TIGD5: variants seen among roughly 807,000 people sequenced by gnomAD.
TIGD5 encodes the protein tigger transposable element-derived protein 5.
Under a neutral mutation model 28.8 loss-of-function variants are expected in TIGD5, and 24 were observed. That is an observed-to-expected ratio of 0.83 (90% CI 0.60 to 1.17). The LOEUF is 1.17. Ranked by LOEUF, TIGD5 falls within the 50% of genes most tolerant of loss-of-function variation. The pLI is 0.00. For synonymous variants in TIGD5, 538 were observed against 430.5 expected, an observed-to-expected ratio of 1.25 and a Z score of -3.09; for missense variants, 922 against 911.4, an observed-to-expected ratio of 1.01 and a Z score of -0.15.
rs1053485494 is a variant in TIGD5 at position 143,601,265 on chromosome 8, G to A, written c.*1433G>A. The A allele has an allele frequency of 6.6e-6, 1 of 152,176 alleles. No homozygotes were observed. Among genetic ancestry groups the A allele is most frequent in the African/African-American group, 2.4e-5 (1 of 41,436 alleles). 9.4% of individuals were successfully genotyped at this position (152,176 alleles called of 1,614,324 possible). On this transcript the variant is annotated 3_prime_UTR_variant, in exon 1 of 1. Coordinates refer to ENST00000504548, the MANE Select transcript of TIGD5 (RefSeq NM_032862.5). ...TATATCTCAAAATCTGAGAGCTCAG[G>A]GAGGCCGTGGAAATTTGGGGAAGAA... is the stretch of plus-strand genomic sequence containing the variant.
In TIGD5 at chr8:143,597,934, G is replaced by A; in HGVS notation, c.31G>A (p.Val11Ile). ...CCCCGCGGGCCCCCCGGCCGGCCCG[G>A]TACCGCGCCGCGGCCGCCGTCCCCT... MYPAGPPAGP[V>I]PRRGRRPLPG... The change falls in exon 1 of 1, where the codon GTA (valine) becomes ATA (isoleucine). Residue 11 changes from valine to isoleucine, a missense_variant. Coordinates refer to ENST00000504548, the MANE Select transcript of TIGD5 (RefSeq NM_032862.5). The A allele has an allele frequency of 1.1e-6, 1 of 871,502 alleles. No individual in the cohort carries two copies. Among genetic ancestry groups the A allele is most frequent in the Non-Finnish European group, 1.4e-6 (1 of 728,748 alleles). 54.0% of individuals were successfully genotyped at this position (871,502 alleles called of 1,614,324 possible).
In TIGD5 at chr8:143,598,550, T is replaced by C. The variant is rs980069557; in HGVS notation, c.647T>C (p.Leu216Pro). 1.8e-5 allele frequency: 24 copies of C among 1,310,742 alleles called. No individual in the cohort carries two copies. In the African/African-American group the frequency reaches 3.3e-4, roughly 18 times the overall value. The allele number at this position is 1,310,742 out of a possible 1,614,324, so 81.2% of individuals were successfully genotyped here. ...GCGCTGCCCTCCGGCGCCGGCCCCC[T>C]GCCCGACCGCGCCCCGGCCCCGCCG... ...EPALPSGAGP[L>P]PDRAPAPPPP... The change falls in exon 1 of 1, where the codon CTG (leucine) becomes CCG (proline). Residue 216 changes from leucine to proline, a missense_variant. Physicochemically the swap from Leu to Pro is moderately conservative, Grantham distance 98 (BLOSUM62 -3). Coordinates refer to ENST00000504548, the MANE Select transcript of TIGD5 (RefSeq NM_032862.5). This position sits in a 1 kb window ranked among gnomAD's most constrained non-coding sequence, Gnocchi z 6.6.
Position 143,598,336 on chromosome 8 carries a change from C to G in TIGD5, c.433C>G (p.Pro145Ala). Reference sequence around the variant, plus strand: ...CCAGCACGGGGTGCCGCTGTCTGGCCCGCTCATCCAGGCGCAGGCCGAGGC... The same window carrying G: ...CCAGCACGGGGTGCCGCTGTCTGGCGCGCTCATCCAGGCGCAGGCCGAGGC... ...LRQHGVPLSG[P>A]LIQAQAEAFA... is the part of the protein sequence containing the mutation. Residue 145 changes from proline (P) to alanine (A), a missense_variant, in exon 1 of 1, where the codon CCG (proline) becomes GCG (alanine). Pro to Ala is a conservative substitution (Grantham distance 27). Coordinates refer to ENST00000504548, the MANE Select transcript of TIGD5 (RefSeq NM_032862.5). This position sits in a 1 kb window ranked among gnomAD's most constrained non-coding sequence, Gnocchi z 6.6. 6.2e-7 allele frequency: 1 copy of G among 1,605,336 alleles called. No homozygotes were observed.
chr8:143,602,516 G>T lies in TIGD5; in HGVS notation c.*2684G>T, dbSNP rs1829283227. Reference sequence around the variant, plus strand: ...GGGAGGCCAAGTGTTCTTTCCCAAAGCTGCGCGGGTGCCATCGCCTGCCAG... The same window carrying T: ...GGGAGGCCAAGTGTTCTTTCCCAAATCTGCGCGGGTGCCATCGCCTGCCAG... On this transcript the variant is annotated 3_prime_UTR_variant, in exon 1 of 1. Transcript: ENST00000504548. 1 of 152,294 alleles carries T rather than the reference G, an allele frequency of 6.6e-6. No homozygotes were observed. The highest frequency in any genetic ancestry group is 2.4e-5 in the African/African-American group (1 of 41,464). The allele number at this position is 152,294 out of a possible 1,614,324, so 9.4% of individuals were successfully genotyped here. A position where few individuals can be genotyped will look rare whatever the true frequency, so the allele number is the denominator to read the frequency against.
In TIGD5 at chr8:143,599,557, G is replaced by A; in HGVS notation, c.1654G>A (p.Ala552Thr). Residue 552 changes from alanine to threonine, a missense_variant, in exon 1 of 1, where the codon GCC (alanine) becomes ACC (threonine). Transcript: ENST00000504548. ...PEGCREEVGP[A>T]LPPAAPPAPA... Reference sequence around the variant, plus strand: ...GGGCTGCAGGGAGGAGGTGGGCCCAGCCCTGCCCCCTGCAGCGCCTCCGGC... The same window carrying A: ...GGGCTGCAGGGAGGAGGTGGGCCCAACCCTGCCCCCTGCAGCGCCTCCGGC... 6.4e-7 allele frequency: 1 copy of A among 1,562,762 alleles called. No individual in the cohort carries two copies. The highest frequency in any genetic ancestry group is 1.2e-5 in the South Asian group (1 of 84,896).
In TIGD5 at chr8:143,602,880, G is replaced by A. The variant is rs1488855867; in HGVS notation, c.*3048G>A. The A allele has an allele frequency of 2.6e-5, 4 of 152,322 alleles. No homozygotes were observed. Among genetic ancestry groups the A allele is most frequent in the African/African-American group, 7.2e-5 (3 of 41,460 alleles). 9.4% of individuals were successfully genotyped at this position (152,322 alleles called of 1,614,324 possible). On this transcript the variant is annotated 3_prime_UTR_variant, in exon 1 of 1. Transcript: ENST00000504548. ...GTTTTGTTGAAACCACCCGACCCGCGTTTTCAGGGGGACGAGGCCACTGCC... is the reference window on the plus strand; with the variant it reads ...GTTTTGTTGAAACCACCCGACCCGCATTTTCAGGGGGACGAGGCCACTGCC...
At position 143,599,308 on chromosome 8, in the gene TIGD5, C is replaced by G; in HGVS notation, c.1405C>G (p.Gln469Glu). 6.2e-7 allele frequency: 1 copy of G among 1,606,120 alleles called. No individual in the cohort carries two copies. The highest frequency in any genetic ancestry group is 1.7e-4 in the Middle Eastern group (1 of 6,052). Residue 469 changes from glutamine to glutamate, a missense_variant, in exon 1 of 1, where the codon CAG becomes GAG. Around this residue, in one of 3 missense-constraint regions of TIGD5, gnomAD observed 821 missense variants for 815.2 expected, o/e 1.01. Coordinates refer to ENST00000504548, the MANE Select transcript of TIGD5 (RefSeq NM_032862.5). ...YLAGLSWDLV[Q>E]AGSIERCWLL... ...GGCTGGCCTCTCCTGGGACCTGGTGCAGGCGGGCAGCATTGAGCGCTGCTG... is the reference window on the plus strand; with the variant it reads ...GGCTGGCCTCTCCTGGGACCTGGTGGAGGCGGGCAGCATTGAGCGCTGCTG...
At position 143,599,680 on chromosome 8, in the gene TIGD5, CG is replaced by C; in HGVS notation, c.1782del (p.Leu595Ter). 6.6e-7 allele frequency: 1 copy of C among 1,517,912 alleles called. No homozygotes were observed. Among genetic ancestry groups the C allele is most frequent in the Non-Finnish European group, 8.8e-7 (1 of 1,137,788 alleles). The allele number at this position is 1,517,912 out of a possible 1,614,324, so 94.0% of individuals were successfully genotyped here. A position where few individuals can be genotyped will look rare whatever the true frequency, so the allele number is the denominator to read the frequency against. ...AGTGCCGACTGCCGGGGAGGCCGTGCGGGGGCTAGAAACAGCTCTGCGGTGG... is the reference window on the plus strand; with the variant it reads ...AGTGCCGACTGCCGGGGAGGCCGTGCGGGGCTAGAAACAGCTCTGCGGTGG... ...TSVPTAGEAV[R>X]GLETALRWLE... On this transcript the variant is annotated frameshift_variant, in exon 1 of 1. Coordinates refer to ENST00000504548, the MANE Select transcript of TIGD5 (RefSeq NM_032862.5). LOFTEE classifies it high-confidence loss of function.
In TIGD5 at chr8:143,599,375, A is replaced by G; in HGVS notation, c.1472A>G (p.Glu491Gly). The G allele has an allele frequency of 6.4e-7, 1 of 1,572,666 alleles. No homozygotes were observed. Among genetic ancestry groups the G allele is most frequent in the Non-Finnish European group, 8.6e-7 (1 of 1,160,304 alleles). The change falls in exon 1 of 1, where the codon GAG becomes GGG. Residue 491 changes from glutamate to glycine, a missense_variant. Physicochemically the swap from Glu to Gly is moderately conservative, Grantham distance 98. Transcript: ENST00000504548. ...LRAAFEPRPG[E>G]DSAGQPAQAE... ...GCTGCCTTCGAGCCCCGGCCCGGCG[A>G]GGACAGTGCTGGGCAGCCGGCCCAG...
chr8:143,601,094 C>CA lies in TIGD5; in HGVS notation c.*1262_*1263insA, dbSNP rs1564009029. The CA allele has an allele frequency of 4.6e-5, 7 of 152,188 alleles. No individual in the cohort carries two copies. Among genetic ancestry groups the CA allele is most frequent in the Non-Finnish European group, 7.3e-5 (5 of 68,106 alleles). 9.4% of individuals were successfully genotyped at this position (152,188 alleles called of 1,614,324 possible). On this transcript the variant is annotated 3_prime_UTR_variant, in exon 1 of 1. Transcript: ENST00000504548. ...TGCAGGGGTAGGCTGGAGGCCTGCA[C>CA]GGGGAAGGGAAGGGCTGTGCACCAG...
In TIGD5 at chr8:143,599,547, G is replaced by T. The variant is rs767569057; in HGVS notation, c.1644G>T (p.Glu548Asp). Reference protein sequence around the residue: ...DGGPPEGCREEVGPALPPAAP... With the variant: ...DGGPPEGCREDVGPALPPAAP... ...GTCCGCCCGAGGGCTGCAGGGAGGA[G>T]GTGGGCCCAGCCCTGCCCCCTGCAG... is the stretch of plus-strand genomic sequence containing the variant. The change falls in exon 1 of 1, where the codon GAG (glutamate) becomes GAT (aspartate). Residue 548 changes from glutamate (E) to aspartate (D), a missense_variant. Glu to Asp is a conservative substitution (Grantham distance 45). Transcript: ENST00000504548. The T allele has an allele frequency of 4.4e-6, 7 of 1,574,138 alleles. No homozygotes were observed. Among genetic ancestry groups the T allele is most frequent in the Admixed American group, 3.7e-5 (2 of 54,430 alleles).
chr8:143,599,415 C>T lies in TIGD5; in HGVS notation c.1512C>T (p.Ala504=). The T allele has an allele frequency of 6.4e-7, 1 of 1,568,680 alleles. No homozygotes were observed. The highest frequency in any genetic ancestry group is 8.6e-7 in the Non-Finnish European group (1 of 1,157,616). ...AGCCGGCCCAGGCCGAGGAAGCCGC[C>T]GAGCACAGCAGGGTGCTCAGCGACC... ...AGQPAQAEEA[A]EHSRVLSDLT... is the part of the protein sequence containing the mutation. Residue 504 remains alanine, a synonymous_variant, in exon 1 of 1, where the codon GCC becomes GCT. Transcript: ENST00000504548.
chr8:143,597,917 G>GC lies in TIGD5; in HGVS notation c.20dup (p.Ala8GlyfsTer101). The GC allele has an allele frequency of 2.6e-5, 22 of 853,280 alleles. No homozygotes were observed. Among genetic ancestry groups the GC allele is most frequent in the Non-Finnish European group, 2.8e-5 (20 of 711,982 alleles). The allele number at this position is 853,280 out of a possible 1,614,324, so 52.9% of individuals were successfully genotyped here. On this transcript the variant is annotated frameshift_variant, in exon 1 of 1. Coordinates refer to ENST00000504548, the MANE Select transcript of TIGD5 (RefSeq NM_032862.5). LOFTEE classifies it high-confidence loss of function. ...CCCGCCGCAGCCATGTACCCCGCGG[G>GC]CCCCCCGGCCGGCCCGGTACCGCGC... is the stretch of plus-strand genomic sequence containing the variant.
In TIGD5 at chr8:143,597,919, C is replaced by A; in HGVS notation, c.16C>A (p.Pro6Thr). 1 of 862,160 alleles carries A rather than the reference C, an allele frequency of 1.2e-6. No individual in the cohort carries two copies. The highest frequency in any genetic ancestry group is 1.4e-6 in the Non-Finnish European group (1 of 719,890). The allele number at this position is 862,160 out of a possible 1,614,324, so 53.4% of individuals were successfully genotyped here. MYPAG[P>T]PAGPVPRRGR... ...CGCCGCAGCCATGTACCCCGCGGGC[C>A]CCCCGGCCGGCCCGGTACCGCGCCG... Residue 6 changes from proline (P) to threonine (T), a missense_variant, in exon 1 of 1, where the codon CCC becomes ACC. Transcript: ENST00000504548.
chr8:143,598,009 C>T lies in TIGD5; in HGVS notation c.106C>T (p.Pro36Ser), dbSNP rs1313373084. 125 of 1,280,490 alleles carry T rather than the reference C, an allele frequency of 9.8e-5. No homozygotes were observed. The highest frequency in any genetic ancestry group is 1.2e-4 in the Non-Finnish European group (124 of 1,013,362). The allele number at this position is 1,280,490 out of a possible 1,614,324, so 79.3% of individuals were successfully genotyped here. ...AGCCCCCGTCCCCGCTGCACGGCCG[C>T]CGCCCCCCGCGCCCGGGCCGCGGCC... ...APAPVPAARPPPPAPGPRPRV... is the reference protein window; with the variant it reads ...APAPVPAARPSPPAPGPRPRV... Residue 36 changes from proline (P) to serine (S), a missense_variant, in exon 1 of 1, where the codon CCG (proline) becomes TCG (serine). By Grantham distance (74) the Pro-to-Ser change is moderately conservative. Around this residue, in one of 3 missense-constraint regions of TIGD5, gnomAD observed 87 missense variants for 60.9 expected, o/e 1.43. Transcript: ENST00000504548. This position sits in a 1 kb window ranked among gnomAD's most constrained non-coding sequence, Gnocchi z 6.6.
rs1198690226 is a variant in TIGD5, at chr8:143,598,683, C to T, written c.780C>T (p.Asp260=). The change falls in exon 1 of 1, where the codon GAC becomes GAT. Residue 260 remains aspartate (D), a synonymous_variant. Coordinates refer to ENST00000504548, the MANE Select transcript of TIGD5 (RefSeq NM_032862.5). This position sits in a 1 kb window ranked among gnomAD's most constrained non-coding sequence, Gnocchi z 6.6. ...AGGCTGCGCCCCCGGGCGCAGGGGA[C>T]CCCGGGGCGGGGGGCTGTGGCCGGC... ...PEQAAPPGAG[D]PGAGGCGRRW... is the part of the protein sequence containing the mutation. 2.0e-6 allele frequency: 3 copies of T among 1,501,642 alleles called. No individual in the cohort carries two copies. The highest frequency in any genetic ancestry group is 2.6e-6 in the Non-Finnish European group (3 of 1,136,150). 93.0% of individuals were successfully genotyped at this position (1,501,642 alleles called of 1,614,324 possible). A position where few individuals can be genotyped will look rare whatever the true frequency, so the allele number is the denominator to read the frequency against.
In TIGD5 at chr8:143,599,815, C is replaced by A; in HGVS notation, c.1912C>A (p.Pro638Thr). 1 of 1,479,490 alleles carries A rather than the reference C, an allele frequency of 6.8e-7. No homozygotes were observed. Among genetic ancestry groups the A allele is most frequent in the Non-Finnish European group, 8.9e-7 (1 of 1,124,432 alleles). The allele number at this position is 1,479,490 out of a possible 1,614,324, so 91.6% of individuals were successfully genotyped here. ...GGGCATCGGGCATACCCCAGCAGGC[C>A]CCTATGACGGTGTGTGACCAGGCCA... ...LGGIGHTPAGPYDGV is the reference protein window; with the variant it reads ...LGGIGHTPAGTYDGV Residue 638 changes from proline (P) to threonine (T), a missense_variant, in exon 1 of 1, where the codon CCC becomes ACC. Around this residue, in one of 3 missense-constraint regions of TIGD5, gnomAD observed 821 missense variants for 815.2 expected, o/e 1.01. Coordinates refer to ENST00000504548, the MANE Select transcript of TIGD5 (RefSeq NM_032862.5).
Position 143,599,058 on chromosome 8 carries a change from C to T in TIGD5, c.1155C>T (p.Pro385=). The change falls in exon 1 of 1, where the codon CCC becomes CCT. Residue 385 remains proline, a synonymous_variant. Coordinates refer to ENST00000504548, the MANE Select transcript of TIGD5 (RefSeq NM_032862.5). ...CCCCCGTGCGGTGCAGGCCGGAGCCCCTCGGTCCCCCGGAGGAGCTGCAGA... is the reference window on the plus strand; with the variant it reads ...CCCCCGTGCGGTGCAGGCCGGAGCCTCTCGGTCCCCCGGAGGAGCTGCAGA... The part of the protein sequence containing the change: ...EDAPVRCRPE[P]LGPPEELQTP... 6.4e-7 allele frequency: 1 copy of T among 1,570,924 alleles called. No homozygotes were observed.
Position 143,603,065 on chromosome 8 carries a change from A to G in TIGD5, c.*3233A>G, listed in dbSNP as rs1829294560. 6.6e-6 allele frequency: 1 copy of G among 152,156 alleles called. No homozygotes were observed. Among genetic ancestry groups the G allele is most frequent in the South Asian group, 2.1e-4 (1 of 4,832 alleles). 9.4% of individuals were successfully genotyped at this position (152,156 alleles called of 1,614,324 possible). On this transcript the variant is annotated 3_prime_UTR_variant, in exon 1 of 1. Transcript: ENST00000504548. Reference sequence around the variant, plus strand: ...CTACCTAGTTGAGACACCCATGGGGAGCAGCCCCAACAGCATGTCGGAGTC... The same window carrying G: ...CTACCTAGTTGAGACACCCATGGGGGGCAGCCCCAACAGCATGTCGGAGTC...
Sources: gnomAD v4.1 joint callset for allele counts on GRCh38, gnomAD v4.1.1 for gene constraint, gnomAD v4.1.1 regional missense constraint, Gnocchi (gnomAD v3.1) non-coding constraint, MANE v1.5 for transcripts, NCBI Gene and HGNC (gene_info 2026-07-23, HGNC 2026-07-21) for gene names.